DCAF8L2: variants seen among roughly 807,000 people sequenced by gnomAD.
DCAF8L2 encodes DDB1- and CUL4-associated factor 8-like protein 2.
For synonymous variants in DCAF8L2, 200 were observed against 190.9 expected (o/e 1.05, Z -0.39); for missense variants, 430 against 490.7 (o/e 0.88, Z 1.17).
chrX:27,585,716 G>A (rs1453174750), upstream of DCAF8L2, among the ~76,000 whole-genome samples: 1 of 111,437 alleles, frequency 9.0e-6, no homozygotes, highest in Admixed American at 9.6e-5. Context: ...CTGTTATATA[G>A]CTACCAAATC....
chrX:27,487,118 G>A, the DCAF8L2 span, among the ~76,000 whole-genome samples: 3 of 111,785 alleles, frequency 2.7e-5, no homozygotes, highest in East Asian at 2.8e-4. Context: ...CAGTTATTTA[G>A]ATAATCATTA....
chrX:27,682,497 A>G (rs1930361858), intron 3 of DCAF8L2, among the ~76,000 whole-genome samples: 1 of 111,648 alleles, frequency 9.0e-6, no homozygotes, highest in Admixed American at 9.6e-5. Flanking sequence ...ACTTTAGAGT[A>G]ATTTATTTTA....
chrX:27,497,313 CATAAA>C, the DCAF8L2 span, among the ~76,000 whole-genome samples: 2 of 111,386 alleles, frequency 1.8e-5, no homozygotes, highest in Admixed American at 1.9e-4. Context: ...ATGAAAAACA[CATAAA>C]ATAAACTGTA....
intron 1 of DCAF8L2, among the ~76,000 whole-genome samples, chrX:27,608,752 C>G: frequency 9.2e-6 from 1 of 109,252 alleles, no homozygotes; most frequent in East Asian, 2.9e-4. Flanking sequence ...GGTTCCTTCT[C>G]TGGCTAAGAT....
At chrX:27,614,783 T>C (rs1927376210) in intron 1 of DCAF8L2, among the ~76,000 whole-genome samples, 1 of 111,851 alleles carries the variant, frequency 8.9e-6, no homozygotes, top group African/African-American at 3.3e-5. Flanking sequence ...TTCTTAATCC[T>C]GAGTTCTAAT....
chrX:27,507,383 A>G, the DCAF8L2 span, among the ~76,000 whole-genome samples: 1 of 112,000 alleles, frequency 8.9e-6, no homozygotes. Flanking sequence ...TGATTGGAAT[A>G]TCAGCCAGAT....
the DCAF8L2 span, among the ~76,000 whole-genome samples, chrX:27,556,336 A>T: frequency 8.9e-6 from 1 of 111,903 alleles, no homozygotes; most frequent in African/African-American, 3.2e-5. Context: ...ATTTCTGAGG[A>T]TCATTTTATA....
At chrX:27,691,201 G>T (rs1378251784) in intron 3 of DCAF8L2, among the ~76,000 whole-genome samples, 1 of 111,122 alleles carries the variant, frequency 9.0e-6, no homozygotes, top group Non-Finnish European at 1.9e-5. Context: ...ATCTAACAAG[G>T]TTATAATTCT....
At chrX:27,595,574 T>A (rs1279662560) in intron 1 of DCAF8L2, among the ~76,000 whole-genome samples, 1 of 112,458 alleles carries the variant, frequency 8.9e-6, no homozygotes, top group Non-Finnish European at 1.9e-5. Context: ...CATTTCATTT[T>A]CTTTATTATA....
upstream of DCAF8L2, among the ~76,000 whole-genome samples, chrX:27,588,440 T>C (rs1925956188): frequency 9.0e-6 from 1 of 111,350 alleles, no homozygotes; most frequent in Admixed American, 9.6e-5. Context: ...CTGTGAATAG[T>C]AATGCAATGA....
chrX:27,534,089 T>C, the DCAF8L2 span, among the ~76,000 whole-genome samples: 1 of 110,201 alleles, frequency 9.1e-6, no homozygotes, highest in Non-Finnish European at 1.9e-5. Context: ...CACAGGCCTG[T>C]AGTCCCAGCT....
At chrX:27,745,001 C>G (rs1036731606) in intron 4 of DCAF8L2, among the ~76,000 whole-genome samples, 1 of 112,133 alleles carries the variant, frequency 8.9e-6, no homozygotes, top group Admixed American at 9.5e-5. Context: ...TGGACTAAGA[C>G]ACTTCCTTTC....
chrX:27,713,082 A>G (rs1315030556), intron 3 of DCAF8L2, among the ~76,000 whole-genome samples: 2 of 111,923 alleles, frequency 1.8e-5, no homozygotes. Context: ...GAATTTTGGC[A>G]ATCACCAGTG....
rs144595818 is a variant in DCAF8L2, at chrX:27,634,502, G to A, written c.-220+2502G>A. On this transcript the variant is annotated intron_variant, in intron 2 of 4. Transcript: ENST00000451261. ...GCCTCTTACTAGTTGCATAACCTCAGGAAAGTTACTTAACCTCTCGGTGCC... is the reference window on the plus strand; with the variant it reads ...GCCTCTTACTAGTTGCATAACCTCAAGAAAGTTACTTAACCTCTCGGTGCC... Among the ~76,000 whole-genome samples the A allele has an allele frequency of 5.3e-3, 580 of 110,464 alleles. 7 individuals carry two copies. The highest frequency in any genetic ancestry group is 0.018 in the African/African-American group (556 of 30,343).
the DCAF8L2 span, among the ~76,000 whole-genome samples, chrX:27,568,384 A>G: frequency 1.8e-5 from 2 of 111,675 alleles, no homozygotes. Context: ...TTTGAGAAGC[A>G]TAACTAGGCC....
At chrX:27,597,161 A>C (rs762792153) in intron 1 of DCAF8L2, among the ~76,000 whole-genome samples, 19 of 112,156 alleles carry the variant, frequency 1.7e-4, no homozygotes, top group Non-Finnish European at 3.0e-4. Context: ...TTATATATAA[A>C]TATTTGTTTA....
intron 3 of DCAF8L2, among the ~76,000 whole-genome samples, chrX:27,683,277 C>T (rs775557147): frequency 8.9e-6 from 1 of 111,832 alleles, no homozygotes; most frequent in Non-Finnish European, 1.9e-5. Context: ...CTGCTCTTCA[C>T]CATTCTGCTC....
the DCAF8L2 span, among the ~76,000 whole-genome samples, chrX:27,507,792 G>A: frequency 1.8e-5 from 2 of 111,066 alleles, no homozygotes; most frequent in Admixed American, 1.9e-4. Context: ...ATAAAGTTCA[G>A]AGTATTAAAA....
At chrX:27,658,982 C>T (rs1023008279) in intron 2 of DCAF8L2, among the ~76,000 whole-genome samples, 2 of 112,042 alleles carry the variant, frequency 1.8e-5, no homozygotes, top group Non-Finnish European at 3.8e-5. Context: ...TCGCCCCCAC[C>T]TGCTGAGGCT....
Sources: allele counts gnomAD v4.1 joint callset (sites outside exome capture counted in the v4.1 genomes callset), GRCh38; gene constraint gnomAD v4.1.1; transcripts MANE v1.5; gene names NCBI Gene and HGNC (gene_info 2026-07-23, HGNC 2026-07-21).